The following SEZ6L2 variants were observed in gnomAD, a reference collection of about 807,000 sequenced individuals.
SEZ6L2 encodes seizure related 6 homolog like 2.
Under a neutral mutation model 97.0 loss-of-function variants are expected in SEZ6L2, and 44 were observed. The observed-to-expected ratio is 0.45, with a 90% CI of 0.36 to 0.58. The LOEUF (loss-of-function observed/expected upper bound fraction) is 0.58, where lower values mean the gene tolerates loss of function less well. SEZ6L2 is among the 20% of genes least tolerant of loss of function. SEZ6L2 has a pLI of 0.00. For synonymous variants in SEZ6L2, 543 were observed against 546.1 expected, an observed-to-expected ratio of 0.99 and a Z score of 0.08; for missense variants, 1,086 against 1,233.3, an observed-to-expected ratio of 0.88 and a Z score of 1.79.
chr16:29,877,486 G>T lies in SEZ6L2; in HGVS notation c.1713-19C>A. Reference sequence around the variant, plus strand: ...ATTCAATCTGCAGGGGGTGAGACCAGGCAATGGGGCGGGGCTGCGACTGGC... The same window carrying T: ...ATTCAATCTGCAGGGGGTGAGACCATGCAATGGGGCGGGGCTGCGACTGGC... On this transcript the variant is annotated intron_variant, in intron 10 of 17. Transcript: ENST00000617533. The T allele has an allele frequency of 6.4e-7, 1 of 1,561,196 alleles. No individual in the cohort carries two copies. Among genetic ancestry groups the T allele is most frequent in the South Asian group, 1.2e-5 (1 of 82,820 alleles).
chr16:29,898,459 C>T (rs1305242729), intron 1 of SEZ6L2, among the ~76,000 whole-genome samples: 1 of 151,912 alleles, frequency 6.6e-6, no homozygotes, highest in Non-Finnish European at 1.5e-5. Context: ...CCCCCACCCT[C>T]TCTCTCTCTG....
In SEZ6L2 at chr16:29,899,114, T is replaced by G. The variant is rs1481532964; in HGVS notation, c.-95A>C. 17 of 409,856 alleles carry G rather than the reference T, an allele frequency of 4.1e-5. No homozygotes were observed. Among genetic ancestry groups the G allele is most frequent in the East Asian group, 2.2e-4 (3 of 13,824 alleles). 25.4% of individuals were successfully genotyped at this position (409,856 alleles called of 1,614,324 possible). On this transcript the variant is annotated 5_prime_UTR_variant, in exon 1 of 18. Coordinates refer to ENST00000617533, the MANE Select transcript of SEZ6L2 (RefSeq NM_001243332.2). ...CGTTTATCTTTCCCTTTAATTGTTT[T>G]TTTTTTTTTTTTTTTTTTCCTCGTA...
chr16:29,872,717 G>T lies in SEZ6L2; in HGVS notation c.2515C>A (p.Arg839=), dbSNP rs376358723. The change falls in exon 15 of 18, where the codon CGA becomes AGA. Residue 839 remains arginine (R), a synonymous_variant. Transcript: ENST00000617533. The part of the protein sequence containing the change: ...KVAYEELLDN[R]KLEVTQTTDP... ...TGCTCTCACTGACCTTCCAGTTTTC[G>T]GTTGTCCAGGAGCTCCTCATAGGCA... 9 of 1,613,180 alleles carry T rather than the reference G, an allele frequency of 5.6e-6. No individual in the cohort carries two copies. In the African/African-American group the frequency reaches 1.1e-4, roughly 19 times the overall value.
chr16:29,890,336 C>A (rs2068245013), intron 5 of SEZ6L2, among the ~76,000 whole-genome samples: 1 of 152,158 alleles, frequency 6.6e-6, no homozygotes, highest in African/African-American at 2.4e-5. Flanking sequence ...AGTCCATTGT[C>A]TACTGAGATG....
intron 8 of SEZ6L2, among the ~76,000 whole-genome samples, chr16:29,884,670 T>C (rs919191408): frequency 6.6e-6 from 1 of 151,782 alleles, no homozygotes; most frequent in African/African-American, 2.4e-5. Context: ...TCCCAACACT[T>C]TGGGAGGCGG....
In SEZ6L2 at chr16:29,891,333, G is replaced by T. The variant is rs542533776; in HGVS notation, c.854-2608C>A. On this transcript the variant is annotated intron_variant, in intron 5 of 17. Coordinates refer to ENST00000617533, the MANE Select transcript of SEZ6L2 (RefSeq NM_001243332.2). ...CCTACCTTGGCCTCCCAAAGTGCTG[G>T]GATTACAGGCGTGAGCCACCATACC... Among the ~76,000 whole-genome samples the T allele has an allele frequency of 2.2e-4, 34 of 151,934 alleles. No homozygotes were observed. In the South Asian group the frequency reaches 5.0e-3, roughly 22 times the overall value.
intron 17 of SEZ6L2, 124 bp downstream of exon 17, chr16:29,872,063 C>T: frequency 1.3e-6 from 1 of 773,170 alleles, no homozygotes. Flanking sequence ...TGCTCATTGA[C>T]ATGGCCTCTG....
At position 29,895,389 on chromosome 16, in the gene SEZ6L2, G is replaced by T. The variant is rs2068361443; in HGVS notation, c.723C>A (p.Ala241=). The T allele has an allele frequency of 6.2e-7, 1 of 1,613,990 alleles. No individual in the cohort carries two copies. The highest frequency in any genetic ancestry group is 1.3e-5 in the African/African-American group (1 of 74,910). ...VLAGGGSPGL[A]PRLLANSSML... ...TGGATGAGTTGGCCAGGAGTCGGGG[G>T]GCCAGGCCTGGGGATCCCCCACCAG... The change falls in exon 5 of 18, where the codon GCC becomes GCA. Residue 241 remains alanine, a synonymous_variant. Transcript: ENST00000617533.
intron 5 of SEZ6L2, among the ~76,000 whole-genome samples, chr16:29,891,636 G>A (rs148655895): frequency 1.3e-5 from 2 of 151,250 alleles, no homozygotes; most frequent in South Asian, 2.1e-4. Flanking sequence ...GTGAGACTCC[G>A]TCTCAAAAAA....
At chr16:29,890,030 T>A (rs2068237873) in intron 5 of SEZ6L2, among the ~76,000 whole-genome samples, 1 of 152,142 alleles carries the variant, frequency 6.6e-6, no homozygotes, top group African/African-American at 2.4e-5. Context: ...TGCCTCAGCC[T>A]CCCAAGTAGC....
In SEZ6L2 at chr16:29,873,835, G is replaced by T; in HGVS notation, c.2105-106C>A. 1 of 1,007,220 alleles carries T rather than the reference G, an allele frequency of 9.9e-7. No homozygotes were observed. Among genetic ancestry groups the T allele is most frequent in the Non-Finnish European group, 1.4e-6 (1 of 706,888 alleles). The allele number at this position is 1,007,220 out of a possible 1,614,324, so 62.4% of individuals were successfully genotyped here. ...CAAAAAATTGAAAAATTAGCCAGGAGTGGTGGCGCACTCCTGTGGTTCCAG... is the reference window on the plus strand; with the variant it reads ...CAAAAAATTGAAAAATTAGCCAGGATTGGTGGCGCACTCCTGTGGTTCCAG... On this transcript the variant is annotated intron_variant, in intron 12 of 17. Transcript: ENST00000617533. This position sits in a 1 kb window ranked among gnomAD's most constrained non-coding sequence, Gnocchi z 4.3.
rs556280590 is a variant in SEZ6L2 at position 29,888,575 on chromosome 16, C to T, written c.1004G>A (p.Arg335Gln). 9.4e-5 allele frequency: 151 copies of T among 1,613,974 alleles called. No homozygotes were observed. Among genetic ancestry groups the T allele is most frequent in the South Asian group, 8.8e-4 (80 of 91,076 alleles). The change falls in exon 6 of 18, where the codon CGG (arginine) becomes CAG (glutamine). Residue 335 changes from arginine (R) to glutamine (Q), a missense_variant. Arg to Gln is a conservative substitution (Grantham distance 43). Coordinates refer to ENST00000617533, the MANE Select transcript of SEZ6L2 (RefSeq NM_001243332.2). ...GGGGGTTTCACCGTTCCAGGATGGC[C>T]GGGTGCCATTGAGGCAGATGAGGGT... ...EETLICLNGT[R>Q]PSWNGETPSC...
At chr16:29,874,534 C>A (rs1203113018) in intron 12 of SEZ6L2, among the ~76,000 whole-genome samples, 6 of 60,848 alleles carry the variant, frequency 9.9e-5, no homozygotes, top group Admixed American at 4.4e-4. Context: ...AAATATAATT[C>A]TTTGTGTGTG....
Position 29,871,632 on chromosome 16 carries a change from C to A in SEZ6L2, c.*67G>T. 6.6e-7 allele frequency: 1 copy of A among 1,509,798 alleles called. No homozygotes were observed. Among genetic ancestry groups the A allele is most frequent in the East Asian group, 2.4e-5 (1 of 42,290 alleles). 93.5% of individuals were successfully genotyped at this position (1,509,798 alleles called of 1,614,324 possible). A position where few individuals can be genotyped will look rare whatever the true frequency, so the allele number is the denominator to read the frequency against. On this transcript the variant is annotated 3_prime_UTR_variant, in exon 18 of 18. Coordinates refer to ENST00000617533, the MANE Select transcript of SEZ6L2 (RefSeq NM_001243332.2). ...CAGCCAGGAGGCAGAGACCGGGTCC[C>A]GTATTTCCCTCTGCCCGAATGAGGA... is the stretch of plus-strand genomic sequence containing the variant.
In SEZ6L2 at chr16:29,897,082, C is replaced by T. The variant is rs553783726; in HGVS notation, c.251G>A (p.Gly84Asp). 3.3e-5 allele frequency: 52 copies of T among 1,580,930 alleles called. No individual in the cohort carries two copies. The East Asian group carries it at 1.2e-3, about 36-fold the overall frequency. The change falls in exon 3 of 18, where the codon GGC becomes GAC. Residue 84 changes from glycine to aspartate, a missense_variant. By Grantham distance (94) the Gly-to-Asp change is moderately conservative (BLOSUM62 -1). Coordinates refer to ENST00000617533, the MANE Select transcript of SEZ6L2 (RefSeq NM_001243332.2). Reference sequence around the variant, plus strand: ...CAGGGAGGGCACTGCGAGAGTCTGGCCGGCCGGAGGGGTGGCTAGCGTGGG... The same window carrying T: ...CAGGGAGGGCACTGCGAGAGTCTGGTCGGCCGGAGGGGTGGCTAGCGTGGG... ...RDPTLATPPA[G>D]QTLAVPSLPR...
In SEZ6L2 at chr16:29,871,685, T is replaced by TA; in HGVS notation, c.*13_*14insT. 6.2e-7 allele frequency: 1 copy of TA among 1,607,980 alleles called. No homozygotes were observed. Among genetic ancestry groups the TA allele is most frequent in the African/African-American group, 1.3e-5 (1 of 74,918 alleles). On this transcript the variant is annotated 3_prime_UTR_variant, in exon 18 of 18. Transcript: ENST00000617533. ...GGAGGGGCGTCCTGGGTCCTGCAGC[T>TA]GTAGTCTTGGGGTTCAGATGGAAAC...
chr16:29,873,688 G>A lies in SEZ6L2; in HGVS notation c.2146C>T (p.Arg716Cys), dbSNP rs774056858. ...GGGAAGCCGGCGTCCGAGGCGGTGC[G>A]GTGCCCGTTGGCAATCTCGCCAGGG... ...ADPGEIANGHRTASDAGFPVG... is the reference protein window; with the variant it reads ...ADPGEIANGHCTASDAGFPVG... Residue 716 changes from arginine (R) to cysteine (C), a missense_variant, in exon 13 of 18, where the codon CGC becomes TGC. By Grantham distance (180) the Arg-to-Cys change is radical. Around this residue, in one of 2 missense-constraint regions of SEZ6L2, gnomAD observed 310 missense variants for 438.6 expected, o/e 0.71. Coordinates refer to ENST00000617533, the MANE Select transcript of SEZ6L2 (RefSeq NM_001243332.2). This position sits in a 1 kb window ranked among gnomAD's most constrained non-coding sequence, Gnocchi z 4.3. 8 of 1,608,376 alleles carry A rather than the reference G, an allele frequency of 5.0e-6. No individual in the cohort carries two copies. The highest frequency in any genetic ancestry group is 1.3e-5 in the African/African-American group (1 of 74,890).
intron 4 of SEZ6L2, 128 bp from the exon 5 acceptor site, chr16:29,895,588 A>C (rs2068367987): frequency 7.0e-7 from 1 of 1,425,444 alleles, no homozygotes; most frequent in African/African-American, 1.4e-5. Flanking sequence ...CAAGTTGTAG[A>C]AATCTAGAAG....
At chr16:29,893,733 C>A (rs1446085424) in intron 5 of SEZ6L2, among the ~76,000 whole-genome samples, 1 of 152,054 alleles carries the variant, frequency 6.6e-6, no homozygotes, top group Non-Finnish European at 1.5e-5. Context: ...GCAGATAAGG[C>A]TCTTTATGGT....
Sources: gnomAD v4.1 joint callset for allele counts (sites outside exome capture counted in the v4.1 genomes callset) on GRCh38, gnomAD v4.1.1 for gene constraint, gnomAD v4.1.1 regional missense constraint, Gnocchi (gnomAD v3.1) non-coding constraint, MANE v1.5 for transcripts, NCBI Gene and HGNC (gene_info 2026-07-23, HGNC 2026-07-21) for gene names.